Variants in TMEM74 observed in about 807,000 individuals in gnomAD.
TMEM74 encodes transmembrane protein 74.
TMEM74 carries 13 observed loss-of-function variants against 18.1 expected under a neutral mutation model. The observed-to-expected ratio is 0.72, with a 90% CI of 0.47 to 1.14. The LOEUF is 1.14. TMEM74 is among the 50% of genes most tolerant of loss of function. The probability of loss-of-function intolerance (pLI) is 0.00; values close to 1 mark genes in which losing one functional copy is unlikely to be tolerated. For synonymous variants in TMEM74, 159 were observed against 146.6 expected (o/e 1.08, Z -0.61); for missense variants, 372 against 375.9 (o/e 0.99, Z 0.09).
intron 2 of TMEM74, among the ~76,000 whole-genome samples, chr8:108,624,670 T>C (rs552208309): frequency 3.9e-5 from 6 of 152,178 alleles, no homozygotes; most frequent in Non-Finnish European, 7.4e-5. Flanking sequence ...ATAACACCTA[T>C]CTACTGAACA....
chr8:108,735,293 C>T (rs139916151), intron 1 of TMEM74, among the ~76,000 whole-genome samples: 3 of 152,294 alleles, frequency 2.0e-5, no homozygotes, highest in Non-Finnish European at 4.4e-5. Flanking sequence ...ACCATCACCA[C>T]AACCATTTTG....
chr8:108,664,331 G>A (rs1812929238), intron 1 of TMEM74, among the ~76,000 whole-genome samples: 1 of 152,034 alleles, frequency 6.6e-6, no homozygotes, highest in Non-Finnish European at 1.5e-5. Context: ...TCTTTGTGAA[G>A]CTATTTCACC....
chr8:108,719,282 T>C (rs1813561106), intron 1 of TMEM74, among the ~76,000 whole-genome samples: 1 of 152,130 alleles, frequency 6.6e-6, no homozygotes, highest in African/African-American at 2.4e-5. Flanking sequence ...TGCATTATCA[T>C]GATTAACTAC....
intron 1 of TMEM74, among the ~76,000 whole-genome samples, chr8:108,742,001 A>G (rs1273416051): frequency 1.3e-5 from 2 of 152,192 alleles, no homozygotes; most frequent in African/African-American, 4.8e-5. Flanking sequence ...TTGTGGGAAC[A>G]TGGATGGAGT....
In TMEM74 at chr8:108,784,614, T is replaced by C; in HGVS notation, c.485A>G (p.Asp162Gly). The C allele has an allele frequency of 6.2e-7, 1 of 1,614,158 alleles. No homozygotes were observed. Among genetic ancestry groups the C allele is most frequent in the Non-Finnish European group, 8.5e-7 (1 of 1,180,032 alleles). ...TGAAGACGTGGCTTCTGAACTTGTA[T>C]CATCCTCCTCTTCAGATATCAAAGA... ...AISLISEEED[D>G]TSSEATSSGK... Residue 162 changes from aspartate (D) to glycine (G), a missense_variant, in exon 2 of 2, where the codon GAT (aspartate) becomes GGT (glycine). Asp to Gly is a moderately conservative substitution (Grantham distance 94). Coordinates refer to ENST00000297459, the MANE Select transcript of TMEM74 (RefSeq NM_153015.3).
At chr8:108,715,849 G>A (rs1325575863) in intron 1 of TMEM74, among the ~76,000 whole-genome samples, 2 of 151,948 alleles carry the variant, frequency 1.3e-5, no homozygotes, top group African/African-American at 2.4e-5. Context: ...AAACAGGTTT[G>A]CAAATATTTA....
At chr8:108,692,332 C>T (rs908012928) in intron 1 of TMEM74, among the ~76,000 whole-genome samples, 2 of 152,196 alleles carry the variant, frequency 1.3e-5, no homozygotes, top group Admixed American at 1.3e-4. Flanking sequence ...TCAGAAGCAT[C>T]TCACTCATGA....
In TMEM74 at chr8:108,722,430, C is replaced by T. The variant is rs150139283; in HGVS notation, n.119+65046G>A. 4.5e-3 allele frequency among the ~76,000 whole-genome samples: 685 copies of T among 152,312 alleles called. 4 individuals carry two copies. Among genetic ancestry groups the T allele is most frequent in the African/African-American group, 0.016 (663 of 41,570 alleles). On this transcript the variant is annotated intron_variant and non_coding_transcript_variant, in intron 1 of 3. Transcript: ENST00000518838. ...CAACTTGAAGACAGGAATGTTAAGA[C>T]TGAACACTGACCAAAACTTTGCCAC...
At chr8:108,718,970 GTA>G (rs3049753) in intron 1 of TMEM74, among the ~76,000 whole-genome samples, 57,844 of 148,414 alleles carry the variant, frequency 0.39, 12,440 homozygotes, top group African/African-American at 0.54. Context: ...TTTTGTGTGT[GTA>G]TATATATATA....
Position 108,759,856 on chromosome 8 carries a change from TTGACC to T in TMEM74, n.119+27615_119+27619del, listed in dbSNP as rs201636170. 7.8e-4 allele frequency among the ~76,000 whole-genome samples: 118 copies of T among 152,236 alleles called. No individual in the cohort carries two copies. In the East Asian group the frequency reaches 0.018, roughly 24 times the overall value. ...GTGCTGGGTTAAACCACTATATATT[TTGACC>T]TGTAATAGGAAGAGTTTCACACAGT... On this transcript the variant is annotated intron_variant and non_coding_transcript_variant, in intron 1 of 3. Transcript: ENST00000518838.
downstream of TMEM74, among the ~76,000 whole-genome samples, chr8:108,778,499 A>G (rs1224133363): frequency 6.6e-6 from 1 of 152,220 alleles, no homozygotes; most frequent in Non-Finnish European, 1.5e-5. Context: ...AAGAACTTCT[A>G]GAAAAAAACA....
In TMEM74 at chr8:108,657,879, T is replaced by TATATATATTAATTAC. The variant is rs797016688; in HGVS notation, n.120-2443_120-2442insGTAATTAATATATAT. ...AAAAAAATATATATATATATATATA[T>TATATATATTAATTAC]ATATATATATATATATATATATATT... is the stretch of plus-strand genomic sequence containing the variant. On this transcript the variant is annotated intron_variant and non_coding_transcript_variant, in intron 1 of 3. Transcript: ENST00000518838. Among the ~76,000 whole-genome samples, 221 of 82,626 alleles carry TATATATATTAATTAC rather than the reference T, an allele frequency of 2.7e-3. 2 individuals are homozygous for TATATATATTAATTAC. The highest frequency in any genetic ancestry group is 6.1e-3 in the East Asian group (14 of 2,280). The allele number at this position is 82,626 out of a possible 152,430, so 54.2% of individuals were successfully genotyped here. A position where few individuals can be genotyped will look rare whatever the true frequency, so the allele number is the denominator to read the frequency against.
chr8:108,611,996 G>A (rs1372603276), intron 2 of TMEM74, among the ~76,000 whole-genome samples: 3 of 152,060 alleles, frequency 2.0e-5, no homozygotes, highest in Non-Finnish European at 4.4e-5. Flanking sequence ...GAAAAGTGCC[G>A]AGCAAAAGGA....
At chr8:108,638,455 T>C (rs1218425709) in intron 2 of TMEM74, among the ~76,000 whole-genome samples, 4 of 152,196 alleles carry the variant, frequency 2.6e-5, no homozygotes, top group Admixed American at 2.6e-4. Context: ...CTTCATGTTG[T>C]TTTTCTTATT....
chr8:108,697,505 C>T (rs903331796), intron 1 of TMEM74, among the ~76,000 whole-genome samples: 1 of 152,132 alleles, frequency 6.6e-6, no homozygotes, highest in African/African-American at 2.4e-5. Flanking sequence ...CAGCCTTGAC[C>T]TCCTGGGCTC....
intron 2 of TMEM74, among the ~76,000 whole-genome samples, chr8:108,638,637 T>G (rs1253671245): frequency 6.6e-6 from 1 of 151,984 alleles, no homozygotes; most frequent in Non-Finnish European, 1.5e-5. Context: ...CATAACATAT[T>G]CAGCTACACT....
intron 1 of TMEM74, among the ~76,000 whole-genome samples, chr8:108,676,250 C>G (rs1406807309): frequency 6.6e-6 from 1 of 152,164 alleles, no homozygotes; most frequent in Non-Finnish European, 1.5e-5. Context: ...TGTCACTACT[C>G]CACCCAACAC....
At chr8:108,663,815 T>C (rs1586252422) in intron 1 of TMEM74, among the ~76,000 whole-genome samples, 1 of 152,130 alleles carries the variant, frequency 6.6e-6, no homozygotes, top group Non-Finnish European at 1.5e-5. Context: ...TGCAGGGAGA[T>C]GGATGCAGTT....
chr8:108,674,470 G>A (rs555594914), intron 1 of TMEM74, among the ~76,000 whole-genome samples: 1 of 152,248 alleles, frequency 6.6e-6, no homozygotes, highest in Admixed American at 6.5e-5. Context: ...GGTTGTATAT[G>A]TCTGACTCAT....
Sources: gnomAD v4.1 joint callset for allele counts (sites outside exome capture counted in the v4.1 genomes callset) on GRCh38, gnomAD v4.1.1 for gene constraint, MANE v1.5 for transcripts, NCBI Gene and HGNC (gene_info 2026-07-23, HGNC 2026-07-21) for gene names.